Variants in CELF2 observed in about 807,000 individuals in gnomAD.
The protein encoded by CELF2 is CUGBP Elav-like family member 2, also known as CUG triplet repeat RNA-binding protein 2.
CELF2 carries 8 observed loss-of-function variants against 62.6 expected under a neutral mutation model. That is an observed-to-expected ratio of 0.13 (90% CI 0.07 to 0.23). CELF2 has a LOEUF of 0.23. Among genes scored for constraint, CELF2 ranks in the 10% least tolerant of loss-of-function variants. The pLI is 1.00. For synonymous variants in CELF2, 258 were observed against 250.0 expected (o/e 1.03, Z -0.30); for missense variants, 333 against 671.0 (o/e 0.50, Z 5.56).
chr10:11,044,542 G>C (rs1008153741), intron 1 of CELF2, among the ~76,000 whole-genome samples: 5 of 152,052 alleles, frequency 3.3e-5, no homozygotes, highest in Non-Finnish European at 5.9e-5. Flanking sequence ...ATAATTCTGG[G>C]CAGGTGCTTT....
chr10:10,736,690 G>T, the CELF2 span, among the ~76,000 whole-genome samples: 2 of 151,950 alleles, frequency 1.3e-5, no homozygotes, highest in African/African-American at 4.8e-5. Context: ...GAAAAAAAAT[G>T]TCAGAGCTAA....
At chr10:10,647,425 C>A in the CELF2 span, among the ~76,000 whole-genome samples, 13 of 152,324 alleles carry the variant, frequency 8.5e-5, no homozygotes, top group East Asian at 2.3e-3. Context: ...AAATGAAAGA[C>A]AATTTGCAAA....
rs894009719 is a variant in CELF2 at position 11,237,803 on chromosome 10, A to G, written c.355-11350A>G. On this transcript the variant is annotated intron_variant, in intron 3 of 12. Transcript: ENST00000633077. This position sits in a 1 kb window ranked among gnomAD's most constrained non-coding sequence, Gnocchi z 4.0. ...CCAGGCAGCGTCACGGCCAGAGACA[A>G]ATGTCACAAGGATGATTTGTTGTTA... Among the ~76,000 whole-genome samples the G allele has an allele frequency of 3.9e-5, 6 of 152,234 alleles. No homozygotes were observed. The highest frequency in any genetic ancestry group is 7.3e-5 in the Non-Finnish European group (5 of 68,036).
Position 11,319,597 on chromosome 10 carries a change from A to G in CELF2, c.1097-1592A>G, listed in dbSNP as rs1043867726. Among the ~76,000 whole-genome samples the G allele has an allele frequency of 3.3e-5, 5 of 152,132 alleles. No individual in the cohort carries two copies. Among genetic ancestry groups the G allele is most frequent in the African/African-American group, 1.2e-4 (5 of 41,434 alleles). On this transcript the variant is annotated intron_variant, in intron 10 of 12. Transcript: ENST00000633077. This position sits in a 1 kb window ranked among gnomAD's most constrained non-coding sequence, Gnocchi z 4.4. ...AGACCCCTTCATAATGAGAAACAAA[A>G]GCAGACACAGCAGGGCCTCAGCTGG...
intron 1 of CELF2, among the ~76,000 whole-genome samples, chr10:10,868,401 A>G (rs936481265): frequency 1.3e-5 from 2 of 152,256 alleles, no homozygotes; most frequent in African/African-American, 4.8e-5. Flanking sequence ...ATTAAAGGCC[A>G]TACCAAGAAC....
intron 2 of CELF2, among the ~76,000 whole-genome samples, chr10:10,943,535 T>A (rs1043952479): frequency 2.2e-4 from 34 of 152,222 alleles, no homozygotes; most frequent in African/African-American, 8.2e-4. Flanking sequence ...CTCTGGAGCC[T>A]GAGGCAAAAC....
chr10:11,001,301 T>C (rs2136995312), upstream of CELF2, among the ~76,000 whole-genome samples: 1 of 152,348 alleles, frequency 6.6e-6, no homozygotes, highest in African/African-American at 2.4e-5. Flanking sequence ...TTTTAGGATT[T>C]GAGAGGCAGG....
intron 3 of CELF2, among the ~76,000 whole-genome samples, chr10:11,245,130 C>G (rs4750034): frequency 0.2 from 29,978 of 152,210 alleles, 3,396 homozygotes; most frequent in South Asian, 0.33. Context: ...TCATTGAAAC[C>G]ATTTCTGTTA....
chr10:10,713,994 C>T, the CELF2 span, among the ~76,000 whole-genome samples: 2 of 152,000 alleles, frequency 1.3e-5, no homozygotes, highest in African/African-American at 4.8e-5. Context: ...GAGATTGCAT[C>T]GCCGCACTCC....
rs2066065869 is a variant in CELF2, at chr10:10,931,585, C to G, written c.89+11586C>G. ...TGGCCCCTAATTCATCATTGGGCAC[C>G]ACGGCACCCCTTCCAAAGTAAAGAA... On this transcript the variant is annotated intron_variant, in intron 2 of 13. Transcript: ENST00000636488. The surrounding 1 kb of genome is among the most constrained non-coding windows in gnomAD (Gnocchi z 6.1). Among the ~76,000 whole-genome samples the G allele has an allele frequency of 6.6e-6, 1 of 152,098 alleles. No individual in the cohort carries two copies. The highest frequency in any genetic ancestry group is 2.4e-5 in the African/African-American group (1 of 41,394).
At chr10:10,748,817 G>A in the CELF2 span, among the ~76,000 whole-genome samples, 2 of 151,700 alleles carry the variant, frequency 1.3e-5, no homozygotes, top group African/African-American at 4.9e-5. Context: ...GAGGAGTCCA[G>A]GGAAAAGGAC....
the CELF2 span, among the ~76,000 whole-genome samples, chr10:10,512,072 G>A: frequency 6.6e-6 from 1 of 152,158 alleles, no homozygotes; most frequent in East Asian, 1.9e-4. Flanking sequence ...TGAGGATCTG[G>A]CAAAGTATCC....
chr10:10,981,110 T>C (rs1273169999), intron 2 of CELF2, among the ~76,000 whole-genome samples: 1 of 152,216 alleles, frequency 6.6e-6, no homozygotes, highest in East Asian at 1.9e-4. Context: ...CCAGAGTCTA[T>C]ATAGAGTAGG....
At chr10:10,493,984 C>G in the CELF2 span, among the ~76,000 whole-genome samples, 2 of 152,172 alleles carry the variant, frequency 1.3e-5, no homozygotes, top group African/African-American at 2.4e-5. Context: ...TGTGCTGTCT[C>G]CCCGGTGACC....
At chr10:11,166,561 T>G (rs1199613691) in intron 2 of CELF2, among the ~76,000 whole-genome samples, 1 of 152,250 alleles carries the variant, frequency 6.6e-6, no homozygotes, top group Non-Finnish European at 1.5e-5. Context: ...TAGTAATTTT[T>G]TCTTCTTTCT....
upstream of CELF2, among the ~76,000 whole-genome samples, chr10:11,013,217 G>A (rs1010814799): frequency 6.6e-6 from 1 of 152,166 alleles, no homozygotes; most frequent in Non-Finnish European, 1.5e-5. This position sits in a 1 kb window ranked among gnomAD's most constrained non-coding sequence, Gnocchi z 4.1. Context: ...GGAAGTTTCT[G>A]CCACTGTCTG....
At chr10:11,271,995 G>A (rs1263931324) in intron 7 of CELF2, among the ~76,000 whole-genome samples, 6 of 152,296 alleles carry the variant, frequency 3.9e-5, no homozygotes, top group Middle Eastern at 3.4e-3. Flanking sequence ...GTGTCCCGCC[G>A]GCTGGCCATA....
At chr10:10,961,233 A>G (rs576771609) in intron 2 of CELF2, among the ~76,000 whole-genome samples, 69 of 152,224 alleles carry the variant, frequency 4.5e-4, no homozygotes, top group Non-Finnish European at 8.2e-4. Flanking sequence ...TTCAAGTTTT[A>G]AAGGAGACCC....
intron 1 of CELF2, among the ~76,000 whole-genome samples, chr10:11,135,639 G>A (rs868630999): frequency 1.3e-5 from 2 of 152,214 alleles, no homozygotes; most frequent in Non-Finnish European, 2.9e-5. Context: ...TCAATTTTGA[G>A]TCCTAGAGTC....
Sources: allele counts gnomAD v4.1 joint callset (sites outside exome capture counted in the v4.1 genomes callset), GRCh38; gene constraint gnomAD v4.1.1; non-coding constraint Gnocchi (gnomAD v3.1); transcripts MANE v1.5; gene names NCBI Gene and HGNC (gene_info 2026-07-23, HGNC 2026-07-21).